Variants in SPTBN1 observed in about 807,000 individuals in gnomAD.
The protein encoded by SPTBN1 is spectrin beta, non-erythrocytic 1, also known as spectrin beta chain, non-erythrocytic 1.
SPTBN1 carries 32 observed loss-of-function variants against 266.4 expected under a neutral mutation model. That is an observed-to-expected ratio of 0.12 (90% CI 0.09 to 0.16). The LOEUF is 0.16. SPTBN1 is among the 10% of genes least tolerant of loss of function. The pLI is 1.00. For synonymous variants in SPTBN1, 1,336 were observed against 1,162.2 expected (o/e 1.15, Z -3.04); for missense variants, 2,296 against 3,067.1 (o/e 0.75, Z 5.94).
intron 1 of SPTBN1, among the ~76,000 whole-genome samples, chr2:54,501,296 C>CT (rs900138500): frequency 5.3e-5 from 8 of 151,490 alleles, no homozygotes; most frequent in South Asian, 4.2e-4. Context: ...CTCTTTGGCT[C>CT]TTTTTTTTTC....
intron 2 of SPTBN1, chr2:54,557,749 T>G: frequency 2.0e-6 from 2 of 985,402 alleles, no homozygotes; most frequent in Non-Finnish European, 2.4e-6. Flanking sequence ...CATAGGCCCG[T>G]GTTATTCCAG....
intron 1 of SPTBN1, chr2:54,515,744 C>A: frequency 6.6e-6 from 1 of 152,388 alleles, no homozygotes; most frequent in South Asian, 2.0e-4. Context: ...CCAGGCTGGT[C>A]TCGAACTCAT....
rs368368684 is a variant in SPTBN1 at position 54,645,204 on chromosome 2, G to A, written c.4270-25G>A. ...CTGCAAAAGATAGTCTGTGCTGAGCGCTGAGGCTGCTTCTCTGCCCTCAGA... is the reference window on the plus strand; with the variant it reads ...CTGCAAAAGATAGTCTGTGCTGAGCACTGAGGCTGCTTCTCTGCCCTCAGA... On this transcript the variant is annotated intron_variant, in intron 20 of 35. Transcript: ENST00000356805. The surrounding 1 kb of genome is among the most constrained non-coding windows in gnomAD (Gnocchi z 4.3). 32 of 1,612,142 alleles carry A rather than the reference G, an allele frequency of 2.0e-5. No individual in the cohort carries two copies. The highest frequency in any genetic ancestry group is 3.3e-5 in the South Asian group (3 of 91,022).
chr2:54,459,184 C>T (rs1245708703), intron 1 of SPTBN1, among the ~76,000 whole-genome samples: 2 of 152,176 alleles, frequency 1.3e-5, no homozygotes, highest in African/African-American at 4.8e-5. Flanking sequence ...GTAACTCTGT[C>T]ATTACTGGAG....
Position 54,645,195 on chromosome 2 carries a change from G to T in SPTBN1, c.4270-34G>T. On this transcript the variant is annotated intron_variant, in intron 20 of 35. Coordinates refer to ENST00000356805, the MANE Select transcript of SPTBN1 (RefSeq NM_003128.3). This position sits in a 1 kb window ranked among gnomAD's most constrained non-coding sequence, Gnocchi z 4.3. The stretch of plus-strand genomic sequence containing the variant: ...AGCCAGTCACTGCAAAAGATAGTCT[G>T]TGCTGAGCGCTGAGGCTGCTTCTCT... The T allele has an allele frequency of 6.2e-7, 1 of 1,611,082 alleles. No individual in the cohort carries two copies. The highest frequency in any genetic ancestry group is 8.5e-7 in the Non-Finnish European group (1 of 1,177,494).
intron 8 of SPTBN1, 63 bp downstream of exon 8, chr2:54,621,575 C>T: frequency 3.0e-6 from 4 of 1,352,326 alleles, no homozygotes; most frequent in South Asian, 2.4e-5. Context: ...CCCTCATTCT[C>T]CCATGCACTC....
intron 1 of SPTBN1, among the ~76,000 whole-genome samples, chr2:54,483,187 T>G (rs576005693): frequency 6.6e-6 from 1 of 152,332 alleles, no homozygotes; most frequent in East Asian, 1.9e-4. Context: ...CTCAATAGTT[T>G]GCCTCTGCTG....
At chr2:54,483,523 C>T (rs77179586) in intron 1 of SPTBN1, among the ~76,000 whole-genome samples, 33,294 of 152,160 alleles carry the variant, frequency 0.22, 4,672 homozygotes, top group East Asian at 0.37. Flanking sequence ...TCTGGAAGCC[C>T]GCAGTCTGGT....
intron 8 of SPTBN1, 149 bp downstream of exon 8, chr2:54,621,661 AG>A: frequency 1.6e-6 from 1 of 608,540 alleles, no homozygotes; most frequent in Admixed American, 2.7e-5. Flanking sequence ...TTCATCCTGA[AG>A]GGTAACAAGA....
Position 54,598,641 on chromosome 2 carries a change from GAAT to G in SPTBN1, c.149-446_149-444del, listed in dbSNP as rs1348622598. Reference sequence around the variant, plus strand: ...CCTTTAATATACTCACCTTTTGGAGGAATAATAGCTGTAACATGTATGTAGGAA... The same window carrying G: ...CCTTTAATATACTCACCTTTTGGAGGAATAGCTGTAACATGTATGTAGGAA... On this transcript the variant is annotated intron_variant, in intron 2 of 35. Coordinates refer to ENST00000356805, the MANE Select transcript of SPTBN1 (RefSeq NM_003128.3). 3.9e-5 allele frequency among the ~76,000 whole-genome samples: 6 copies of G among 152,280 alleles called. No individual in the cohort carries two copies. In the East Asian group the frequency reaches 1.2e-3, roughly 29 times the overall value.
chr2:54,659,361 A>T, intron 31 of SPTBN1, 95 bp downstream of exon 31: 1 of 1,190,448 alleles, frequency 8.4e-7, no homozygotes, highest in South Asian at 1.3e-5. Context: ...GCTAGGCCTA[A>T]CCACATGCCC....
At chr2:54,593,399 G>C (rs1308584125) in intron 2 of SPTBN1, among the ~76,000 whole-genome samples, 4 of 152,182 alleles carry the variant, frequency 2.6e-5, no homozygotes, top group African/African-American at 9.6e-5. Flanking sequence ...GAGGGCTGCT[G>C]GTTCTTTTTG....
chr2:54,458,170 A>G (rs1242806944), intron 1 of SPTBN1, among the ~76,000 whole-genome samples: 2 of 152,256 alleles, frequency 1.3e-5, no homozygotes, highest in Non-Finnish European at 2.9e-5. Flanking sequence ...GTCTTTGGTT[A>G]ATACCAAGTA....
intron 7 of SPTBN1, among the ~76,000 whole-genome samples, chr2:54,619,060 A>G (rs1056259505): frequency 6.6e-6 from 1 of 152,238 alleles, no homozygotes; most frequent in East Asian, 1.9e-4. Flanking sequence ...AGATATATAG[A>G]TCCTCTCAGC....
intron 2 of SPTBN1, among the ~76,000 whole-genome samples, chr2:54,592,319 CT>C (rs535651231): frequency 6.6e-6 from 1 of 151,722 alleles, no homozygotes; most frequent in African/African-American, 2.4e-5. Flanking sequence ...ATTCACAGCC[CT>C]TTTTTTTAAC....
Position 54,631,305 on chromosome 2 carries a change from C to T in SPTBN1, c.3258C>T (p.Ala1086=). ...SWLSRTQTAI[A]SEDMPNTLTE... ...TCTCTAGGACCCAGACAGCGATCGC[C>T]TCGGAGGACATGCCAAACACCCTGA... Residue 1086 remains alanine (A), a synonymous_variant, in exon 16 of 36, where the codon GCC becomes GCT. Transcript: ENST00000356805. 6.2e-7 allele frequency: 1 copy of T among 1,614,250 alleles called. No homozygotes were observed. Among genetic ancestry groups the T allele is most frequent in the Non-Finnish European group, 8.5e-7 (1 of 1,180,042 alleles).
chr2:54,548,011 C>T (rs888152520), intron 2 of SPTBN1, among the ~76,000 whole-genome samples: 4 of 152,018 alleles, frequency 2.6e-5, no homozygotes, highest in Non-Finnish European at 4.4e-5. Flanking sequence ...GGCGTGGTGG[C>T]GGGTGCCTAT....
Position 54,656,016 on chromosome 2 carries a change from C to T in SPTBN1, c.6046+18C>T. ...AAGACTGAGTAAGGATGTAGTTTAT[C>T]TTTCTGCTCTTTTGGGTATCAATGG... On this transcript the variant is annotated intron_variant, in intron 29 of 35. Transcript: ENST00000356805. The T allele has an allele frequency of 6.3e-7, 1 of 1,593,534 alleles. No homozygotes were observed. The highest frequency in any genetic ancestry group is 1.7e-5 in the Admixed American group (1 of 59,150).
chr2:54,598,088 A>T (rs980025222), intron 2 of SPTBN1, among the ~76,000 whole-genome samples: 4 of 152,172 alleles, frequency 2.6e-5, no homozygotes, highest in Admixed American at 6.5e-5. Flanking sequence ...TGTTTAGAAC[A>T]TTCTGCAGAG....
Sources: allele counts gnomAD v4.1 joint callset (sites outside exome capture counted in the v4.1 genomes callset), GRCh38; gene constraint gnomAD v4.1.1; non-coding constraint Gnocchi (gnomAD v3.1); transcripts MANE v1.5; gene names NCBI Gene and HGNC (gene_info 2026-07-23, HGNC 2026-07-21).